Variants in KLF13 observed in about 807,000 individuals in gnomAD.
The protein encoded by KLF13 is Krueppel-like factor 13.
Under a neutral mutation model 16.7 loss-of-function variants are expected in KLF13, and 8 were observed. The observed-to-expected ratio is 0.48, with a 90% CI of 0.28 to 0.87. The LOEUF is 0.87. KLF13 is among the 40% of genes least tolerant of loss of function. KLF13 has a pLI of 0.10. For synonymous variants in KLF13, 245 were observed against 208.4 expected (o/e 1.18, Z -1.51); for missense variants, 447 against 452.2 (o/e 0.99, Z 0.10).
In KLF13 at chr15:31,372,391, A is replaced by T; in HGVS notation, c.*92A>T. 1 of 1,298,210 alleles carries T rather than the reference A, an allele frequency of 7.7e-7. No individual in the cohort carries two copies. Among genetic ancestry groups the T allele is most frequent in the Non-Finnish European group, 9.9e-7 (1 of 1,007,584 alleles). The allele number at this position is 1,298,210 out of a possible 1,614,324, so 80.4% of individuals were successfully genotyped here. A position where few individuals can be genotyped will look rare whatever the true frequency, so the allele number is the denominator to read the frequency against. ...AGAAAGAAGAGAGAGAACTTGATGCAAAGTCCACGAAAAAACAATTTTTTT... is the reference window on the plus strand; with the variant it reads ...AGAAAGAAGAGAGAGAACTTGATGCTAAGTCCACGAAAAAACAATTTTTTT... On this transcript the variant is annotated 3_prime_UTR_variant, in exon 2 of 2. Transcript: ENST00000307145.
intron 1 of KLF13, among the ~76,000 whole-genome samples, chr15:31,423,171 A>ATACGTATATG (rs1566848570): frequency 2.9e-5 from 1 of 34,194 alleles, no homozygotes; most frequent in African/African-American, 1.3e-4. Flanking sequence ...ATATGTATAT[A>ATACGTATATG]TATACATATA....
downstream of KLF13, among the ~76,000 whole-genome samples, chr15:31,382,628 T>G (rs2039740478): frequency 6.6e-6 from 1 of 152,188 alleles, no homozygotes; most frequent in African/African-American, 2.4e-5. Context: ...GGCCTGCACC[T>G]GGCAGCTCAG....
At chr15:31,365,146 C>T (rs1795498406) in intron 1 of KLF13, among the ~76,000 whole-genome samples, 2 of 152,212 alleles carry the variant, frequency 1.3e-5, no homozygotes, top group Non-Finnish European at 2.9e-5. Context: ...ACAGCCCACT[C>T]ACTGGTGGGG....
rs147545931 is a variant in KLF13 at position 31,365,636 on chromosome 15, G to A, written c.578-6374G>A. Among the ~76,000 whole-genome samples, 145 of 152,192 alleles carry A rather than the reference G, an allele frequency of 9.5e-4. 1 individual carries two copies. The East Asian group carries it at 0.026, about 27-fold the overall frequency. On this transcript the variant is annotated intron_variant, in intron 1 of 1. Coordinates refer to ENST00000307145, the MANE Select transcript of KLF13 (RefSeq NM_015995.4). ...GGGTGGGGGGGCCCACTCACCTGTGGGGGGTTGGGGGGGAGTTTGGCTAAG... is the reference window on the plus strand; with the variant it reads ...GGGTGGGGGGGCCCACTCACCTGTGAGGGGTTGGGGGGGAGTTTGGCTAAG...
At chr15:31,407,406 T>C (rs1434599331), downstream of KLF13, among the ~76,000 whole-genome samples, 2 of 152,156 alleles carry the variant, frequency 1.3e-5, no homozygotes, top group Non-Finnish European at 2.9e-5. Context: ...GCACAGGTCA[T>C]GGGCAGAGAA....
chr15:31,404,983 A>G (rs1321716036), downstream of KLF13, among the ~76,000 whole-genome samples: 2 of 152,202 alleles, frequency 1.3e-5, no homozygotes, highest in East Asian at 1.9e-4. Context: ...AGAGGCTACG[A>G]GTACTGTTTT....
At chr15:31,415,267 A>C (rs938142395) in intron 1 of KLF13, among the ~76,000 whole-genome samples, 4 of 152,238 alleles carry the variant, frequency 2.6e-5, no homozygotes, top group African/African-American at 9.6e-5. Context: ...TAAATCATCC[A>C]GCCTAAGGTA....
At chr15:31,395,172 G>C (rs996639181) in intron 2 of KLF13, among the ~76,000 whole-genome samples, 1 of 152,190 alleles carries the variant, frequency 6.6e-6, no homozygotes, top group African/African-American at 2.4e-5. Flanking sequence ...TAGAGATGGC[G>C]TTTCACCACG....
intron 1 of KLF13, among the ~76,000 whole-genome samples, chr15:31,432,827 A>G (rs1184136055): frequency 6.6e-6 from 1 of 152,096 alleles, no homozygotes. Flanking sequence ...ATTATAAATA[A>G]TCTTAGGCTG....
chr15:31,392,076 C>T (rs2039879600), upstream of KLF13, among the ~76,000 whole-genome samples: 1 of 152,056 alleles, frequency 6.6e-6, no homozygotes. Context: ...CGCCCCCGAC[C>T]CCCGGGTCGC....
At chr15:31,410,723 C>G (rs1019109392) in intron 1 of KLF13, among the ~76,000 whole-genome samples, 4 of 151,936 alleles carry the variant, frequency 2.6e-5, no homozygotes, top group African/African-American at 9.7e-5. Context: ...AAAGCCACAA[C>G]AATCCTAAAC....
intron 1 of KLF13, among the ~76,000 whole-genome samples, chr15:31,360,741 C>T (rs1290012856): frequency 1.3e-5 from 2 of 152,166 alleles, no homozygotes; most frequent in African/African-American, 4.8e-5. Context: ...CCTCAAAAAC[C>T]AAAGGCGTTT....
At chr15:31,371,904 A>T in intron 1 of KLF13, 106 bp from the exon 2 acceptor site, 2 of 1,234,244 alleles carry the variant, frequency 1.6e-6, no homozygotes. Flanking sequence ...GGCATGTGGG[A>T]GGGGTGTTGA....
At chr15:31,419,653 G>A (rs192312409) in intron 1 of KLF13, among the ~76,000 whole-genome samples, 2 of 152,270 alleles carry the variant, frequency 1.3e-5, no homozygotes, top group South Asian at 2.1e-4. Context: ...TAGTAAAAGT[G>A]AAGAAAGCAT....
chr15:31,365,406 G>T (rs2039450663), intron 1 of KLF13, among the ~76,000 whole-genome samples: 1 of 152,106 alleles, frequency 6.6e-6, no homozygotes, highest in South Asian at 2.1e-4. Flanking sequence ...TCCCTTCCAT[G>T]AAGGGGAGCT....
At chr15:31,355,344 A>G (rs1271985848) in intron 1 of KLF13, among the ~76,000 whole-genome samples, 2 of 152,192 alleles carry the variant, frequency 1.3e-5, no homozygotes, top group Non-Finnish European at 2.9e-5. Context: ...CTAGGAGAAG[A>G]AAGTGATGCT....
At chr15:31,429,749 T>G (rs1182882233) in intron 1 of KLF13, among the ~76,000 whole-genome samples, 1 of 130,970 alleles carries the variant, frequency 7.6e-6, no homozygotes, top group African/African-American at 2.8e-5. Flanking sequence ...ATTTATTTAT[T>G]TTGAGATGGA....
Position 31,327,170 on chromosome 15 carries a change from A to G in KLF13, c.-43A>G. On this transcript the variant is annotated 5_prime_UTR_variant, in exon 1 of 2. It removes the in-frame stop codon of an upstream open reading frame in the 5' UTR. Transcript: ENST00000307145. ...GGCCGTGGGTGCGGATGCGCGGCTG[A>G]CGACTCGCAGCAAGAGCACCGCCGC... The G allele has an allele frequency of 1.7e-6, 2 of 1,152,150 alleles. No individual in the cohort carries two copies. The highest frequency in any genetic ancestry group is 2.1e-5 in the South Asian group (1 of 46,674). The allele number at this position is 1,152,150 out of a possible 1,614,324, so 71.4% of individuals were successfully genotyped here. A position where few individuals can be genotyped will look rare whatever the true frequency, so the allele number is the denominator to read the frequency against.
chr15:31,420,247 G>T, intron 1 of KLF13: 2 of 679,636 alleles, frequency 2.9e-6, no homozygotes, highest in South Asian at 1.4e-5. Flanking sequence ...AGGAGCTGAT[G>T]ACCCTCATGA....
Sources: allele counts gnomAD v4.1 joint callset (sites outside exome capture counted in the v4.1 genomes callset), GRCh38; gene constraint gnomAD v4.1.1; transcripts MANE v1.5; gene names NCBI Gene and HGNC (gene_info 2026-07-23, HGNC 2026-07-21).